PCDHGA12: variants seen among roughly 807,000 people sequenced by gnomAD.
PCDHGA12 encodes the protein protocadherin gamma-A12.
A neutral mutation model predicts 61.1 loss-of-function variants in PCDHGA12; 43 were observed. The observed-to-expected ratio is 0.70, with a 90% CI of 0.55 to 0.91. The LOEUF (loss-of-function observed/expected upper bound fraction) is 0.91, where lower values mean the gene tolerates loss of function less well. Among genes scored for constraint, PCDHGA12 ranks in the 40% least tolerant of loss-of-function variants. The pLI, the probability that PCDHGA12 is intolerant of heterozygous loss-of-function variation, is 0.00. For synonymous variants in PCDHGA12, 520 were observed against 542.9 expected, an observed-to-expected ratio of 0.96 and a Z score of 0.59; for missense variants, 1,236 against 1,227.7, an observed-to-expected ratio of 1.01 and a Z score of -0.10.
intron 1 of PCDHGA12, among the ~76,000 whole-genome samples, chr5:141,481,193 A>G (rs749746998): frequency 1.3e-5 from 2 of 152,216 alleles, no homozygotes; most frequent in Admixed American, 6.5e-5. Context: ...GCCAGGCCCA[A>G]TTTTTTTAAA....
rs949391796 is a variant in PCDHGA12 at position 141,493,050 on chromosome 5, A to G, written c.2425-1757A>G. 6.6e-6 allele frequency among the ~76,000 whole-genome samples: 1 copy of G among 152,262 alleles called. No homozygotes were observed. The highest frequency in any genetic ancestry group is 2.4e-5 in the African/African-American group (1 of 41,464). On this transcript the variant is annotated intron_variant, in intron 1 of 3. Coordinates refer to ENST00000252085, the MANE Select transcript of PCDHGA12 (RefSeq NM_003735.3). The surrounding 1 kb of genome is among the most constrained non-coding windows in gnomAD (Gnocchi z 4.3). Reference sequence around the variant, plus strand: ...CCCTTATGTGTGAGGAAACTACAATAGTAAAAAACACAAGTTTCTCCAACT... The same window carrying G: ...CCCTTATGTGTGAGGAAACTACAATGGTAAAAAACACAAGTTTCTCCAACT...
At chr5:141,503,902 C>T (rs552180745) in intron 2 of PCDHGA12, among the ~76,000 whole-genome samples, 7 of 152,328 alleles carry the variant, frequency 4.6e-5, no homozygotes, top group African/African-American at 1.7e-4. Context: ...AATATGCACA[C>T]ACACAACGCA....
At chr5:141,448,185 G>A (rs2098572532) in intron 1 of PCDHGA12, among the ~76,000 whole-genome samples, 1 of 152,020 alleles carries the variant, frequency 6.6e-6, no homozygotes, top group Non-Finnish European at 1.5e-5. Flanking sequence ...CCCTGGTTAT[G>A]TACACTTACA....
intron 2 of PCDHGA12, among the ~76,000 whole-genome samples, chr5:141,496,189 G>A (rs1362938002): frequency 1.3e-5 from 2 of 152,004 alleles, no homozygotes; most frequent in Admixed American, 6.6e-5. Flanking sequence ...AGCCCCAGCT[G>A]CTCATTTCAA....
chr5:141,456,434 G>A (rs1418917805), intron 1 of PCDHGA12, among the ~76,000 whole-genome samples: 1 of 152,108 alleles, frequency 6.6e-6, no homozygotes, highest in Non-Finnish European at 1.5e-5. Flanking sequence ...TTATAGTATT[G>A]AGTATACAGA....
At chr5:141,484,453 C>T (rs1212059469) in intron 1 of PCDHGA12, among the ~76,000 whole-genome samples, 1 of 152,160 alleles carries the variant, frequency 6.6e-6, no homozygotes. Flanking sequence ...TAATTGGCTA[C>T]GTTAATGTGT....
In PCDHGA12 at chr5:141,485,848, C is replaced by T; in HGVS notation, c.2425-8959C>T. On this transcript the variant is annotated intron_variant, in intron 1 of 3. Coordinates refer to ENST00000252085, the MANE Select transcript of PCDHGA12 (RefSeq NM_003735.3). This position sits in a 1 kb window ranked among gnomAD's most constrained non-coding sequence, Gnocchi z 5.7. ...GAGGGAACCCGCCGAGATCTGGCAC[C>T]GCAGAGCTCCGGGTATCCGTGCTGG... The T allele has an allele frequency of 1.2e-6, 2 of 1,614,194 alleles. No homozygotes were observed. Among genetic ancestry groups the T allele is most frequent in the South Asian group, 2.2e-5 (2 of 91,080 alleles).
At chr5:141,447,696 G>A (rs1273958794) in intron 1 of PCDHGA12, among the ~76,000 whole-genome samples, 1 of 152,096 alleles carries the variant, frequency 6.6e-6, no homozygotes, top group Non-Finnish European at 1.5e-5. Context: ...TAGAGGGATG[G>A]GTTATAAGGA....
At chr5:141,467,431 C>T (rs1452587540) in intron 1 of PCDHGA12, among the ~76,000 whole-genome samples, 1 of 152,170 alleles carries the variant, frequency 6.6e-6, no homozygotes, top group African/African-American at 2.4e-5. Flanking sequence ...GTTATAGAAA[C>T]ATTCATTACT....
intron 1 of PCDHGA12, among the ~76,000 whole-genome samples, chr5:141,462,288 G>A (rs1239615759): frequency 3.9e-5 from 6 of 152,196 alleles, no homozygotes; most frequent in Non-Finnish European, 7.3e-5. Flanking sequence ...CACCAAATAT[G>A]TAAGTATTAC....
At position 141,433,048 on chromosome 5, in the gene PCDHGA12, G is replaced by T. The variant is rs777523454; in HGVS notation, c.2289G>T (p.Ser763=). ...ACGAGGTTTCCCTCACCACGGACTC[G>T]CGGAAGAGTCACCTGATCTTCCCCC... ...YSHEVSLTTD[S]RKSHLIFPQP... is the part of the protein sequence containing the mutation. Residue 763 remains serine, a synonymous_variant, in exon 1 of 4, where the codon TCG becomes TCT. Transcript: ENST00000252085. 20 of 1,614,142 alleles carry T rather than the reference G, an allele frequency of 1.2e-5. No homozygotes were observed. The highest frequency in any genetic ancestry group is 1.5e-5 in the Non-Finnish European group (18 of 1,180,032).
Position 141,433,076 on chromosome 5 carries a change from C to G in PCDHGA12, c.2317C>G (p.Pro773Ala). 1 of 1,614,188 alleles carries G rather than the reference C, an allele frequency of 6.2e-7. No individual in the cohort carries two copies. The highest frequency in any genetic ancestry group is 8.5e-7 in the Non-Finnish European group (1 of 1,180,028). ...SRKSHLIFPQPNYADMLVSQE... is the reference protein window; with the variant it reads ...SRKSHLIFPQANYADMLVSQE... ...GAAGAGTCACCTGATCTTCCCCCAG[C>G]CCAACTATGCAGACATGCTCGTCAG... is the stretch of plus-strand genomic sequence containing the variant. Residue 773 changes from proline (P) to alanine (A), a missense_variant, in exon 1 of 4, where the codon CCC becomes GCC. By Grantham distance (27) the Pro-to-Ala change is conservative (BLOSUM62 -1). Coordinates refer to ENST00000252085, the MANE Select transcript of PCDHGA12 (RefSeq NM_003735.3).
chr5:141,501,288 TATACACAC>T (rs1482707793), intron 2 of PCDHGA12, among the ~76,000 whole-genome samples: 1 of 81,228 alleles, frequency 1.2e-5, no homozygotes, highest in African/African-American at 4.9e-5. Flanking sequence ...GATATTCCCT[TATACACAC>T]ACACACACAC....
rs1562106021 is a variant in PCDHGA12 at position 141,485,561 on chromosome 5, G to T, written c.2425-9246G>T. 6.2e-7 allele frequency: 1 copy of T among 1,613,008 alleles called. No individual in the cohort carries two copies. Among genetic ancestry groups the T allele is most frequent in the Non-Finnish European group, 8.5e-7 (1 of 1,179,122 alleles). ...AGAGATCGTAGATGTGAATGATCAC[G>T]CCCCCCGTTTTCCGCGGCAGCAGCT... On this transcript the variant is annotated intron_variant, in intron 1 of 3. Coordinates refer to ENST00000252085, the MANE Select transcript of PCDHGA12 (RefSeq NM_003735.3). The surrounding 1 kb of genome is among the most constrained non-coding windows in gnomAD (Gnocchi z 5.7).
chr5:141,449,588 CAAAAAA>C (rs768743917), intron 1 of PCDHGA12, among the ~76,000 whole-genome samples: 1 of 57,492 alleles, frequency 1.7e-5, no homozygotes, highest in Admixed American at 1.8e-4. Flanking sequence ...GACTCTGTCT[CAAAAAA>C]AAAAAAAAAA....
chr5:141,453,288 A>G (rs931678565), intron 1 of PCDHGA12, among the ~76,000 whole-genome samples: 1 of 151,342 alleles, frequency 6.6e-6, no homozygotes, highest in Non-Finnish European at 1.5e-5. Context: ...TAATTTTTTA[A>G]TTATTTATTT....
chr5:141,474,371 G>A (rs909237592), intron 1 of PCDHGA12, among the ~76,000 whole-genome samples: 1 of 152,180 alleles, frequency 6.6e-6, no homozygotes, highest in African/African-American at 2.4e-5. Flanking sequence ...TAGGTCTAGA[G>A]GAGGGCATTT....
In PCDHGA12 at chr5:141,431,265, G is replaced by T; in HGVS notation, c.506G>T (p.Ser169Ile). Residue 169 changes from serine to isoleucine, a missense_variant, in exon 1 of 4, where the codon AGC becomes ATC. Physicochemically the swap from Ser to Ile is moderately radical, Grantham distance 142. Transcript: ENST00000252085. The surrounding 1 kb of genome is among the most constrained non-coding windows in gnomAD (Gnocchi z 4.8). ...GATATCGGGAAGAACTCTCTGCAGAGCTACGAGCTCAGCCCGAACACTCAC... is the reference window on the plus strand; with the variant it reads ...GATATCGGGAAGAACTCTCTGCAGATCTACGAGCTCAGCCCGAACACTCAC... ...DPDIGKNSLQ[S>I]YELSPNTHFS... 1 of 1,614,168 alleles carries T rather than the reference G, an allele frequency of 6.2e-7. No homozygotes were observed. The highest frequency in any genetic ancestry group is 8.5e-7 in the Non-Finnish European group (1 of 1,180,054).
intron 1 of PCDHGA12, among the ~76,000 whole-genome samples, chr5:141,463,783 C>T (rs1395035313): frequency 1.3e-5 from 2 of 152,138 alleles, no homozygotes; most frequent in African/African-American, 4.8e-5. Flanking sequence ...CCTGCACTGT[C>T]TTTTGAACAA....
Sources: allele counts gnomAD v4.1 joint callset (sites outside exome capture counted in the v4.1 genomes callset), GRCh38; gene constraint gnomAD v4.1.1; non-coding constraint Gnocchi (gnomAD v3.1); transcripts MANE v1.5; gene names NCBI Gene and HGNC (gene_info 2026-07-23, HGNC 2026-07-21).